Variants in NFATC1 observed in about 807,000 individuals in gnomAD.
NFATC1 encodes the protein nuclear factor of activated T-cells, cytoplasmic 1.
NFATC1 carries 22 observed loss-of-function variants against 76.0 expected under a neutral mutation model. That is an observed-to-expected ratio of 0.29 (90% CI 0.21 to 0.41). The LOEUF is 0.41. Among genes scored for constraint, NFATC1 ranks in the 10% least tolerant of loss-of-function variants. NFATC1 has a pLI of 1.00. For missense variants in NFATC1, 1,357 were observed against 1,337.7 expected (o/e 1.01, Z -0.23); for synonymous variants, 704 against 613.1 (o/e 1.15, Z -2.19).
chr18:79,443,732 G>C (rs1327330469), intron 3 of NFATC1, among the ~76,000 whole-genome samples: 1 of 152,216 alleles, frequency 6.6e-6, no homozygotes, highest in Non-Finnish European at 1.5e-5. Context: ...AGGTACGATC[G>C]ATCCTGGTCC....
chr18:79,500,400 G>C (rs879898167), intron 9 of NFATC1, among the ~76,000 whole-genome samples: 1 of 152,124 alleles, frequency 6.6e-6, no homozygotes, highest in African/African-American at 2.4e-5. Flanking sequence ...GCAGTGCTTA[G>C]AGGGAAATTT....
intron 2 of NFATC1, chr18:79,422,179 C>A (rs139317654): frequency 1.3e-5 from 2 of 152,198 alleles, no homozygotes; most frequent in African/African-American, 4.8e-5. Context: ...TGAGCCGGGC[C>A]GTCTTGGCAC....
intron 9 of NFATC1, among the ~76,000 whole-genome samples, chr18:79,503,088 G>C (rs940800911): frequency 1.1e-4 from 16 of 152,234 alleles, no homozygotes; most frequent in African/African-American, 3.6e-4. Context: ...GTGGGGAAGA[G>C]AGAGGAAAGG....
chr18:79,456,871 A>T lies in NFATC1; in HGVS notation c.1904-4440A>T, dbSNP rs9783929. ...AAGGAGGACACAGCTGGGAATTCCC[A>T]GCTCCAGCGTCCGCGGCACGGGCAG... is the stretch of plus-strand genomic sequence containing the variant. On this transcript the variant is annotated intron_variant, in intron 6 of 9. Coordinates refer to ENST00000427363, the MANE Select transcript of NFATC1 (RefSeq NM_001278669.2). Among the ~76,000 whole-genome samples the T allele has an allele frequency of 2.6e-5, 4 of 152,180 alleles. No homozygotes were observed. In the East Asian group the frequency reaches 7.8e-4, roughly 29 times the overall value.
intron 8 of NFATC1, among the ~76,000 whole-genome samples, chr18:79,479,538 C>T (rs1461700684): frequency 6.6e-6 from 1 of 152,234 alleles, no homozygotes; most frequent in Non-Finnish European, 1.5e-5. Flanking sequence ...GCAGTATGTT[C>T]GTGTGTTTAA....
chr18:79,438,546 CGT>C (rs1171912832), intron 3 of NFATC1, among the ~76,000 whole-genome samples: 1 of 152,218 alleles, frequency 6.6e-6, no homozygotes, highest in Non-Finnish European at 1.5e-5. Flanking sequence ...AGGCCGGGCT[CGT>C]GTGAATAATT....
At chr18:79,510,219 G>A (rs1017222283) in intron 9 of NFATC1, among the ~76,000 whole-genome samples, 4 of 152,200 alleles carry the variant, frequency 2.6e-5, no homozygotes, top group Non-Finnish European at 5.9e-5. Flanking sequence ...CAGCCGTGGT[G>A]AGGTTCGCTG....
intron 1 of NFATC1, among the ~76,000 whole-genome samples, chr18:79,408,963 C>T (rs1296462728): frequency 7.4e-6 from 1 of 134,606 alleles, no homozygotes; most frequent in East Asian, 2.2e-4. Context: ...TCCATCCATC[C>T]ATCATCATCC....
intron 8 of NFATC1, among the ~76,000 whole-genome samples, chr18:79,482,049 G>A (rs938191503): frequency 7.1e-6 from 1 of 141,612 alleles, no homozygotes; most frequent in African/African-American, 2.7e-5. Flanking sequence ...AGCGTGAGCT[G>A]TTTCCTGGGG....
At chr18:79,406,845 G>C (rs538668587) in intron 1 of NFATC1, among the ~76,000 whole-genome samples, 1 of 151,794 alleles carries the variant, frequency 6.6e-6, no homozygotes, top group Non-Finnish European at 1.5e-5. Context: ...CCCAGCCGCA[G>C]AGCCAGCCAC....
intron 3 of NFATC1, among the ~76,000 whole-genome samples, chr18:79,440,538 C>T (rs539214447): frequency 9.5e-4 from 144 of 152,356 alleles, no homozygotes; most frequent in Non-Finnish European, 1.4e-3. Context: ...CCCGCAGACA[C>T]CGTGGTGCCC....
chr18:79,428,713 G>A (rs1482573626), intron 2 of NFATC1, among the ~76,000 whole-genome samples: 1 of 152,180 alleles, frequency 6.6e-6, no homozygotes, highest in Non-Finnish European at 1.5e-5. Context: ...ATGGTGATAC[G>A]TGCCTGTAAC....
intron 3 of NFATC1, among the ~76,000 whole-genome samples, chr18:79,434,762 G>A (rs775691599): frequency 1.3e-5 from 2 of 152,244 alleles, no homozygotes; most frequent in South Asian, 2.1e-4. Flanking sequence ...GAAGGTGGCC[G>A]CAGGGACAAA....
intron 9 of NFATC1, among the ~76,000 whole-genome samples, chr18:79,501,315 A>G (rs2090008156): frequency 1.3e-5 from 2 of 152,252 alleles, no homozygotes; most frequent in Admixed American, 1.3e-4. Flanking sequence ...AACTTAGAAC[A>G]CAAGGGAACT....
chr18:79,476,908 C>T (rs1042887670), intron 8 of NFATC1, among the ~76,000 whole-genome samples: 8 of 152,204 alleles, frequency 5.3e-5, no homozygotes, highest in Admixed American at 1.3e-4. Context: ...CCTTGGAACG[C>T]GCTTCAGCAG....
rs543242400 is a variant in NFATC1 at position 79,452,740 on chromosome 18, G to A, written c.1903+924G>A. ...GGCCTGGCTCTCCGCAAAGCCTGCC[G>A]TGAGCTCCCTGGTTTTGGGGGTTCC... On this transcript the variant is annotated intron_variant, in intron 6 of 9. Transcript: ENST00000427363. 7.2e-5 allele frequency among the ~76,000 whole-genome samples: 11 copies of A among 152,346 alleles called. No individual in the cohort carries two copies. In the East Asian group the frequency reaches 7.7e-4, roughly 11 times the overall value.
chr18:79,434,648 C>T (rs1014278868), intron 3 of NFATC1, among the ~76,000 whole-genome samples: 5 of 152,262 alleles, frequency 3.3e-5, no homozygotes, highest in Admixed American at 6.5e-5. Flanking sequence ...AGCAAAAAAC[C>T]GGGTGCCCCA....
At chr18:79,415,152 G>A (rs1054976302) in intron 2 of NFATC1, among the ~76,000 whole-genome samples, 4 of 152,182 alleles carry the variant, frequency 2.6e-5, no homozygotes, top group East Asian at 1.9e-4. Flanking sequence ...CTCACTCTCC[G>A]CACCCAGACA....
chr18:79,398,397 C>T (rs7233264), intron 1 of NFATC1, among the ~76,000 whole-genome samples: 14,928 of 152,342 alleles, frequency 0.098, 1,035 homozygotes, highest in Non-Finnish European at 0.14. Context: ...CTTCTGTCTC[C>T]GCAGACATCC....
Sources: allele counts gnomAD v4.1 joint callset (sites outside exome capture counted in the v4.1 genomes callset), GRCh38; gene constraint gnomAD v4.1.1; transcripts MANE v1.5; gene names NCBI Gene and HGNC (gene_info 2026-07-23, HGNC 2026-07-21).